RAB10: variants seen among roughly 807,000 people sequenced by gnomAD.
The protein encoded by RAB10 is ras-related protein Rab-10.
A neutral mutation model predicts 25.7 loss-of-function variants in RAB10; 5 were observed. The ratio of observed to expected loss-of-function variants is 0.19; its 90% CI spans 0.10 to 0.41. The LOEUF (loss-of-function observed/expected upper bound fraction) is 0.41. Among genes scored for constraint, RAB10 ranks in the 10% least tolerant of loss-of-function variants. The pLI, the probability that RAB10 is intolerant of heterozygous loss-of-function variation, is 1.00. For missense variants in RAB10, 103 were observed against 245.8 expected (o/e 0.42, Z 3.89); for synonymous variants, 89 against 86.4 (o/e 1.03, Z -0.16).
At chr2:26,081,402 T>C (rs1029317792) in intron 1 of RAB10, among the ~76,000 whole-genome samples, 1 of 152,042 alleles carries the variant, frequency 6.6e-6, no homozygotes, top group African/African-American at 2.4e-5. Flanking sequence ...CAAACCTAAA[T>C]TGAGGGAAAT....
intron 1 of RAB10, among the ~76,000 whole-genome samples, chr2:26,087,997 T>C (rs1313785369): frequency 6.6e-6 from 1 of 152,196 alleles, no homozygotes; most frequent in East Asian, 1.9e-4. Flanking sequence ...TAGAACCTGG[T>C]CTTGAAATCC....
chr2:26,100,411 CCTTA>C (rs1188926790), intron 2 of RAB10, among the ~76,000 whole-genome samples: 1 of 152,100 alleles, frequency 6.6e-6, no homozygotes, highest in Non-Finnish European at 1.5e-5. Flanking sequence ...ATAGAATTGT[CCTTA>C]CTTAAAGTAA....
At chr2:26,086,399 A>G (rs1666988559) in intron 1 of RAB10, among the ~76,000 whole-genome samples, 1 of 152,224 alleles carries the variant, frequency 6.6e-6, no homozygotes, top group South Asian at 2.1e-4. Flanking sequence ...AAAAACCACA[A>G]TGAGGTATCA....
At chr2:26,070,721 T>C (rs1016314514) in intron 1 of RAB10, among the ~76,000 whole-genome samples, 37 of 152,222 alleles carry the variant, frequency 2.4e-4, no homozygotes, top group African/African-American at 8.4e-4. Context: ...CTAAATTTTC[T>C]TACAGTTTAA....
rs532759972 is a variant in RAB10, at chr2:26,084,745, T to C, written c.128-13917T>C. ...GTCGTTATATCCCTTTTCATCGAGT[T>C]ACCTTCATCTTTTTTAAGGGTAAAA... On this transcript the variant is annotated intron_variant, in intron 1 of 5. Coordinates refer to ENST00000264710, the MANE Select transcript of RAB10 (RefSeq NM_016131.5). 7.9e-5 allele frequency among the ~76,000 whole-genome samples: 12 copies of C among 152,122 alleles called. No individual in the cohort carries two copies. In the East Asian group the frequency reaches 1.9e-3, roughly 24 times the overall value.
At chr2:26,044,869 G>A (rs1665964027) in intron 1 of RAB10, among the ~76,000 whole-genome samples, 1 of 151,864 alleles carries the variant, frequency 6.6e-6, no homozygotes, top group Non-Finnish European at 1.5e-5. Flanking sequence ...AGAATCCACA[G>A]CCAATCTTAT....
rs1316070879 is a variant in RAB10 at position 26,127,960 on chromosome 2, C to T, written c.519+9C>T. ...AAGATATCCTTCGAAAGGTAAGTTC[C>T]TGTTTTTATATCCTGCCAGGTACCT... is the stretch of plus-strand genomic sequence containing the variant. On this transcript the variant is annotated intron_variant, in intron 5 of 5. Coordinates refer to ENST00000264710, the MANE Select transcript of RAB10 (RefSeq NM_016131.5). The T allele has an allele frequency of 1.3e-6, 2 of 1,561,132 alleles. No homozygotes were observed. Among genetic ancestry groups the T allele is most frequent in the Non-Finnish European group, 1.8e-6 (2 of 1,131,888 alleles).
intron 1 of RAB10, among the ~76,000 whole-genome samples, chr2:26,050,672 C>CT (rs1439810693): frequency 6.6e-6 from 1 of 152,142 alleles, no homozygotes; most frequent in Non-Finnish European, 1.5e-5. Flanking sequence ...GGGTTTCACT[C>CT]TGTCACCCAG....
chr2:26,117,421 G>C (rs1667712708), intron 3 of RAB10, among the ~76,000 whole-genome samples: 1 of 152,028 alleles, frequency 6.6e-6, no homozygotes. Context: ...AGACCATCCT[G>C]GCTAACACGG....
intron 1 of RAB10, among the ~76,000 whole-genome samples, chr2:26,058,590 A>T (rs1560868): frequency 0.8 from 122,352 of 152,040 alleles, 49,286 homozygotes; most frequent in East Asian, 0.87. Context: ...CTCTTTGCTT[A>T]GAGCTTCAAC....
Position 26,054,054 on chromosome 2 carries a change from T to TC in RAB10, c.127+19321dup, listed in dbSNP as rs1553724319. On this transcript the variant is annotated intron_variant, in intron 1 of 5. Transcript: ENST00000264710. ...CCTTCTGTTCTTTTTTTTTTTTTTT[T>TC]CCTGTTTTTTTGAGCTGGAGTCTTG... 4.3e-3 allele frequency among the ~76,000 whole-genome samples: 619 copies of TC among 144,590 alleles called. 11 individuals carry two copies. Among genetic ancestry groups the TC allele is most frequent in the African/African-American group, 0.012 (444 of 37,584 alleles). The allele number at this position is 144,590 out of a possible 152,430, so 94.9% of individuals were successfully genotyped here. A position where few individuals can be genotyped will look rare whatever the true frequency, so the allele number is the denominator to read the frequency against.
At chr2:26,092,869 T>C (rs770601040) in intron 1 of RAB10, among the ~76,000 whole-genome samples, 2 of 152,170 alleles carry the variant, frequency 1.3e-5, no homozygotes, top group Non-Finnish European at 2.9e-5. Flanking sequence ...AAAAACAATA[T>C]GGACTGTAGA....
intron 3 of RAB10, among the ~76,000 whole-genome samples, chr2:26,124,601 G>A (rs1188844463): frequency 1.3e-5 from 2 of 151,526 alleles, no homozygotes; most frequent in Non-Finnish European, 2.9e-5. Flanking sequence ...AAATTGTGGT[G>A]AAATACATAC....
At chr2:26,102,439 C>CTTTTTTTT (rs562310195) in intron 2 of RAB10, among the ~76,000 whole-genome samples, 1 of 124,368 alleles carries the variant, frequency 8.0e-6, no homozygotes, top group African/African-American at 3.1e-5. Flanking sequence ...TTTTTTCTTT[C>CTTTTTTTT]TTTTTTTTTT....
intron 1 of RAB10, among the ~76,000 whole-genome samples, chr2:26,040,891 C>T (rs1049833807): frequency 6.6e-6 from 1 of 151,984 alleles, no homozygotes; most frequent in African/African-American, 2.4e-5. Context: ...CTCATACATC[C>T]GTATTAGAAA....
rs533318826 is a variant in RAB10, at chr2:26,070,264, A to G, written c.128-28398A>G. Among the ~76,000 whole-genome samples the G allele has an allele frequency of 6.6e-5, 10 of 152,314 alleles. No individual in the cohort carries two copies. The South Asian group carries it at 1.2e-3, about 19-fold the overall frequency. On this transcript the variant is annotated intron_variant, in intron 1 of 5. Coordinates refer to ENST00000264710, the MANE Select transcript of RAB10 (RefSeq NM_016131.5). ...GTGCAGATGAGAACTTGCTACAGGC[A>G]GATATGCTTGAGAGCTCAAAAGGAA...
At chr2:26,072,115 G>A (rs988228464) in intron 1 of RAB10, among the ~76,000 whole-genome samples, 1 of 152,148 alleles carries the variant, frequency 6.6e-6, no homozygotes, top group East Asian at 1.9e-4. Flanking sequence ...AGTAACTGAT[G>A]GATTTTAATA....
intron 1 of RAB10, among the ~76,000 whole-genome samples, chr2:26,084,342 T>C (rs999061971): frequency 6.6e-6 from 1 of 152,220 alleles, no homozygotes; most frequent in African/African-American, 2.4e-5. Context: ...GACTTTGCCT[T>C]ATTCATTGCC....
chr2:26,051,474 G>A (rs975434057), intron 1 of RAB10, among the ~76,000 whole-genome samples: 52 of 148,152 alleles, frequency 3.5e-4, no homozygotes, highest in African/African-American at 1.2e-3. Flanking sequence ...AAGGCCAGGC[G>A]CAGTGGCTCA....
Sources: gnomAD v4.1 joint callset for allele counts (sites outside exome capture counted in the v4.1 genomes callset) on GRCh38, gnomAD v4.1.1 for gene constraint, MANE v1.5 for transcripts, NCBI Gene and HGNC (gene_info 2026-07-23, HGNC 2026-07-21) for gene names.